Variants in BAZ2B observed in about 807,000 individuals in gnomAD.
BAZ2B encodes bromodomain adjacent to zinc finger domain protein 2B.
A neutral mutation model predicts 246.0 loss-of-function variants in BAZ2B; 91 were observed. The ratio of observed to expected loss-of-function variants is 0.37; its 90% CI spans 0.31 to 0.44. BAZ2B has a LOEUF of 0.44. Among genes scored for constraint, BAZ2B ranks in the 20% least tolerant of loss-of-function variants. The pLI is 1.00. For missense variants in BAZ2B, 2,332 were observed against 2,533.7 expected (o/e 0.92, Z 1.71); for synonymous variants, 855 against 860.0 (o/e 0.99, Z 0.10).
chr2:159,441,931 C>A (rs1427135176), intron 6 of BAZ2B, among the ~76,000 whole-genome samples: 1 of 152,138 alleles, frequency 6.6e-6, no homozygotes. Flanking sequence ...ATATTTATTT[C>A]TTTTAGTAAC....
In BAZ2B at chr2:159,325,790, A is replaced by C. The variant is rs764345917; in HGVS notation, c.6072T>G (p.Ser2024Arg). 4 of 1,608,346 alleles carry C rather than the reference A, an allele frequency of 2.5e-6. No individual in the cohort carries two copies. The highest frequency in any genetic ancestry group is 3.4e-6 in the Non-Finnish European group (4 of 1,178,622). Residue 2024 changes from serine (S) to arginine (R), a missense_variant, in exon 35 of 37, where the codon AGT becomes AGG. By Grantham distance (110) the Ser-to-Arg change is moderately radical. Transcript: ENST00000392783. ...TEDEDSASTS[S>R]SLKRGNKDLK... The stretch of plus-strand genomic sequence containing the variant: ...GGTCTTTGTTTCCTCTTTTTAGTGA[A>C]CTACTTGTAGATGCAGAGTCTTCAT...
chr2:159,598,966 G>A (rs1414631165), intron 1 of BAZ2B, among the ~76,000 whole-genome samples: 2 of 152,060 alleles, frequency 1.3e-5, no homozygotes, highest in African/African-American at 2.4e-5. Context: ...CTGTTAACTG[G>A]GTGTGGTGGC....
intron 13 of BAZ2B, among the ~76,000 whole-genome samples, chr2:159,413,055 T>A (rs1360863127): frequency 6.6e-6 from 1 of 152,170 alleles, no homozygotes; most frequent in Non-Finnish European, 1.5e-5. Flanking sequence ...AGAATTGAAC[T>A]TGAATGGTTG....
intron 2 of BAZ2B, among the ~76,000 whole-genome samples, chr2:159,554,636 T>C (rs1016758291): frequency 1.3e-5 from 2 of 152,062 alleles, no homozygotes; most frequent in Non-Finnish European, 2.9e-5. Flanking sequence ...AAAAACATTA[T>C]TGATATGTGA....
At chr2:159,463,232 A>G (rs1261644552) in intron 3 of BAZ2B, 1 of 458,892 alleles carries the variant, frequency 2.2e-6, no homozygotes, top group Non-Finnish European at 4.2e-6. Flanking sequence ...TCCTTATCCA[A>G]CACACAATCA....
At chr2:159,649,902 T>A in the BAZ2B span, among the ~76,000 whole-genome samples, 1 of 152,206 alleles carries the variant, frequency 6.6e-6, no homozygotes, top group Admixed American at 6.5e-5. Context: ...GCTGTTCTAT[T>A]CATTTTTTAA....
At chr2:159,374,957 T>C (rs1576282026) in intron 25 of BAZ2B, among the ~76,000 whole-genome samples, 1 of 152,294 alleles carries the variant, frequency 6.6e-6, no homozygotes, top group East Asian at 1.9e-4. Context: ...AGCTCATGTC[T>C]GTAATCCCAG....
chr2:159,711,827 G>A, the BAZ2B span: 1 of 152,098 alleles, frequency 6.6e-6, no homozygotes, highest in Non-Finnish European at 1.5e-5. Context: ...CTAAATAGGT[G>A]AATTTGTTTA....
rs528575032 is a variant in BAZ2B at position 159,356,850 on chromosome 2, C to G, written c.4214-6493G>C. Among the ~76,000 whole-genome samples, 10 of 152,214 alleles carry G rather than the reference C, an allele frequency of 6.6e-5. No individual in the cohort carries two copies. In the South Asian group the frequency reaches 1.7e-3, roughly 25 times the overall value. On this transcript the variant is annotated intron_variant, in intron 27 of 36. Coordinates refer to ENST00000392783, the MANE Select transcript of BAZ2B (RefSeq NM_013450.4). ...CAGGCAAACAAGGGTCTGGAGTGGA[C>G]CTCCAGCAAACTCCAGCAGACCTGC...
intron 1 of BAZ2B, among the ~76,000 whole-genome samples, chr2:159,569,555 G>C (rs900125319): frequency 6.6e-6 from 1 of 151,942 alleles, no homozygotes; most frequent in African/African-American, 2.4e-5. Flanking sequence ...GGTAGATTTA[G>C]GATTTTACAA....
the BAZ2B span, among the ~76,000 whole-genome samples, chr2:159,640,233 T>G: frequency 7.9e-5 from 12 of 152,198 alleles, no homozygotes; most frequent in South Asian, 2.1e-4. Flanking sequence ...AAGAGAGAGA[T>G]AGATTCCAAT....
In BAZ2B at chr2:159,349,135, G is replaced by A. The variant is rs1213710631; in HGVS notation, c.5009C>T (p.Thr1670Ile). The change falls in exon 29 of 37, where the codon ACT (threonine) becomes ATT (isoleucine). Residue 1670 changes from threonine to isoleucine, a missense_variant. By Grantham distance (89) the Thr-to-Ile change is moderately conservative. This residue lies in a region of BAZ2B where 676 missense variants were observed against 668.6 expected (regional missense o/e 1.01). Coordinates refer to ENST00000392783, the MANE Select transcript of BAZ2B (RefSeq NM_013450.4). ...ACTTTTACTTGAAGCAACATTGGAA[G>A]TCAAGAATGAATTACCATTTCCTTC... ...LSEGNGNSFL[T>I]SNVASSKSES... 2 of 1,614,046 alleles carry A rather than the reference G, an allele frequency of 1.2e-6. No individual in the cohort carries two copies. Among genetic ancestry groups the A allele is most frequent in the South Asian group, 2.2e-5 (2 of 91,080 alleles).
intron 1 of BAZ2B, among the ~76,000 whole-genome samples, chr2:159,570,029 T>G (rs1468614190): frequency 6.6e-6 from 1 of 152,174 alleles, no homozygotes; most frequent in Non-Finnish European, 1.5e-5. Context: ...CTAAGTTGTA[T>G]ATATTATCTA....
chr2:159,350,187 T>C lies in BAZ2B; in HGVS notation c.4384A>G (p.Lys1462Glu), dbSNP rs778039057. Reference protein sequence around the residue: ...EKDNTNLFLQKPGSFSKLSKL... With the variant: ...EKDNTNLFLQEPGSFSKLSKL... ...CTTAATTTGGAAAAAGAGCCAGGTT[T>C]CTGAAGGAATAGATTTGTGTTATCT... The change falls in exon 28 of 37, where the codon AAA becomes GAA. Residue 1462 changes from lysine to glutamate, a missense_variant. Lys to Glu is a moderately conservative substitution (Grantham distance 56). This residue lies in a region of BAZ2B where 676 missense variants were observed against 668.6 expected (regional missense o/e 1.01). Coordinates refer to ENST00000392783, the MANE Select transcript of BAZ2B (RefSeq NM_013450.4). The C allele has an allele frequency of 3.1e-6, 5 of 1,613,976 alleles. No homozygotes were observed. The highest frequency in any genetic ancestry group is 3.3e-4 in the Middle Eastern group (2 of 6,082).
chr2:159,709,143 AAG>A, the BAZ2B span, among the ~76,000 whole-genome samples: 1 of 117,264 alleles, frequency 8.5e-6, no homozygotes, highest in Admixed American at 1.0e-4. Context: ...TGGATAAAAA[AAG>A]AAAAAAAAAA....
Position 159,447,452 on chromosome 2 carries a change from AAAAG to A in BAZ2B, c.503-481_503-478del, listed in dbSNP as rs371924201. Reference sequence around the variant, plus strand: ...GAGAACTTTGTAAAACACTTCAGTGAAAAGAAAGATAGTAAATCATCTAAAATGT... The same window carrying A: ...GAGAACTTTGTAAAACACTTCAGTGAAAAGATAGTAAATCATCTAAAATGT... On this transcript the variant is annotated intron_variant, in intron 5 of 36. Coordinates refer to ENST00000392783, the MANE Select transcript of BAZ2B (RefSeq NM_013450.4). 2.6e-4 allele frequency among the ~76,000 whole-genome samples: 39 copies of A among 152,360 alleles called. 2 individuals are homozygous for A. In the East Asian group the frequency reaches 6.4e-3, roughly 25 times the overall value.
At chr2:159,698,528 A>AC in the BAZ2B span, among the ~76,000 whole-genome samples, 4 of 144,722 alleles carry the variant, frequency 2.8e-5, no homozygotes, top group Non-Finnish European at 4.5e-5. Context: ...AAAAAAAAAA[A>AC]CAAAAAAAAC....
At chr2:159,406,171 A>AT (rs1270586529) in intron 14 of BAZ2B, among the ~76,000 whole-genome samples, 1 of 152,172 alleles carries the variant, frequency 6.6e-6, no homozygotes, top group East Asian at 1.9e-4. Flanking sequence ...CAACCATGTG[A>AT]TTTTCCATGG....
chr2:159,417,586 A>G (rs1287223328), intron 13 of BAZ2B, among the ~76,000 whole-genome samples: 2 of 152,228 alleles, frequency 1.3e-5, no homozygotes, highest in South Asian at 2.1e-4. Flanking sequence ...GGAAAAAAAG[A>G]AAAGGGTTTA....
Sources: gnomAD v4.1 joint callset for allele counts (sites outside exome capture counted in the v4.1 genomes callset) on GRCh38, gnomAD v4.1.1 for gene constraint, gnomAD v4.1.1 regional missense constraint, MANE v1.5 for transcripts, NCBI Gene and HGNC (gene_info 2026-07-23, HGNC 2026-07-21) for gene names.